C1QL4: variants seen among roughly 807,000 people sequenced by gnomAD.
C1QL4 encodes complement C1q like 4, also known as complement C1q-like protein 4.
C1QL4 carries 5 observed loss-of-function variants against 13.4 expected under a neutral mutation model. The observed-to-expected ratio is 0.37, with a 90% CI of 0.19 to 0.78. The LOEUF (loss-of-function observed/expected upper bound fraction) is 0.78, where lower values mean the gene tolerates loss of function less well. Ranked by LOEUF, C1QL4 falls within the 30% of genes least tolerant of loss-of-function variation. C1QL4 has a pLI of 0.47. For missense variants in C1QL4, 367 were observed against 361.6 expected, an observed-to-expected ratio of 1.01 and a Z score of -0.12; for synonymous variants, 168 against 153.9, an observed-to-expected ratio of 1.09 and a Z score of -0.68.
chr12:49,336,452 A>T lies in C1QL4; in HGVS notation c.26T>A (p.Ile9Asn). 6.5e-7 allele frequency: 1 copy of T among 1,548,876 alleles called. No homozygotes were observed. Among genetic ancestry groups the T allele is most frequent in the East Asian group, 2.5e-5 (1 of 39,330 alleles). The change falls in exon 1 of 2, where the codon ATC becomes AAC. Residue 9 changes from isoleucine to asparagine, a missense_variant. Physicochemically the swap from Ile to Asn is moderately radical, Grantham distance 149. Transcript: ENST00000334221. The surrounding 1 kb of genome is among the most constrained non-coding windows in gnomAD (Gnocchi z 7.7). The part of the protein sequence containing the change: MVLLLLVA[I>N]PLLVHSSRGP... ...GCGGGAGCTGTGCACCAGCAGCGGGATGGCCACCAGCAGCAGCAGCACCAT... is the reference window on the plus strand; with the variant it reads ...GCGGGAGCTGTGCACCAGCAGCGGGTTGGCCACCAGCAGCAGCAGCACCAT...
Position 49,332,797 on chromosome 12 carries a change from T to C in C1QL4, c.*257A>G. On this transcript the variant is annotated 3_prime_UTR_variant, in exon 2 of 2. Transcript: ENST00000334221. ...AAGAGAAAGCCACGACCTCTGCCCC[T>C]ATGGGGTCCAGCGCGCACTTGGGTG... 2 of 504,668 alleles carry C rather than the reference T, an allele frequency of 4.0e-6. No homozygotes were observed. Among genetic ancestry groups the C allele is most frequent in the Non-Finnish European group, 7.0e-6 (2 of 284,274 alleles). The allele number at this position is 504,668 out of a possible 1,614,324, so 31.3% of individuals were successfully genotyped here. A position where few individuals can be genotyped will look rare whatever the true frequency, so the allele number is the denominator to read the frequency against.
chr12:49,336,268 C>T lies in C1QL4; in HGVS notation c.210G>A (p.Gly70=). ...CTCTTGGACCTGGTGGTCCAGGGGG[C>T]CCCCGCAGGCCTGCTTTCCCGCGCC... ...VGRRGKAGLR[G]PPGPPGPRGP... Residue 70 remains glycine (G), a synonymous_variant, in exon 1 of 2, where the codon GGG becomes GGA. Transcript: ENST00000334221. This position sits in a 1 kb window ranked among gnomAD's most constrained non-coding sequence, Gnocchi z 7.7. 1 of 1,426,524 alleles carries T rather than the reference C, an allele frequency of 7.0e-7. No homozygotes were observed. 88.4% of individuals were successfully genotyped at this position (1,426,524 alleles called of 1,614,324 possible). A position where few individuals can be genotyped will look rare whatever the true frequency, so the allele number is the denominator to read the frequency against.
intron 1 of C1QL4, among the ~76,000 whole-genome samples, chr12:49,333,458 T>C (rs1592316209): frequency 6.6e-6 from 1 of 151,796 alleles, no homozygotes; most frequent in Non-Finnish European, 1.5e-5. Context: ...ATTTATAAAG[T>C]GAGGGACAAT....
chr12:49,333,985 G>C (rs1943612050), intron 1 of C1QL4, among the ~76,000 whole-genome samples: 1 of 151,750 alleles, frequency 6.6e-6, no homozygotes, highest in South Asian at 2.1e-4. Flanking sequence ...TCTGAGATCG[G>C]GAGTTCGAGA....
In C1QL4 at chr12:49,332,961, C is replaced by G. The variant is rs564976730; in HGVS notation, c.*93G>C. The G allele has an allele frequency of 9.7e-6, 13 of 1,339,380 alleles. No homozygotes were observed. Among genetic ancestry groups the G allele is most frequent in the Non-Finnish European group, 1.3e-5 (13 of 987,922 alleles). 83.0% of individuals were successfully genotyped at this position (1,339,380 alleles called of 1,614,324 possible). ...GAAGGGTCCACCCCACCGCCAGGCT[C>G]TCAAAGGGTGGGGTGGCGCCTCGGG... On this transcript the variant is annotated 3_prime_UTR_variant, in exon 2 of 2. Transcript: ENST00000334221.
At chr12:49,335,793 G>A (rs1943625939) in intron 1 of C1QL4, 148 bp downstream of exon 1, 13 of 992,930 alleles carry the variant, frequency 1.3e-5, no homozygotes, top group Non-Finnish European at 1.8e-5. Flanking sequence ...TCCTCTGTGG[G>A]TAAATGAAGT....
chr12:49,335,723 C>T (rs1943625554), intron 1 of C1QL4, among the ~76,000 whole-genome samples: 1 of 152,254 alleles, frequency 6.6e-6, no homozygotes, highest in Non-Finnish European at 1.5e-5. Context: ...CTAATTCTAA[C>T]ACCATTCCTA....
chr12:49,335,010 A>T (rs1032262485), intron 1 of C1QL4, among the ~76,000 whole-genome samples: 1 of 152,194 alleles, frequency 6.6e-6, no homozygotes, highest in Non-Finnish European at 1.5e-5. Flanking sequence ...CAGCCTGTGC[A>T]GCTCTGGCAC....
In C1QL4 at chr12:49,336,448, C is replaced by T. The variant is rs776981218; in HGVS notation, c.30G>A (p.Pro10=). 11 of 1,548,586 alleles carry T rather than the reference C, an allele frequency of 7.1e-6. No homozygotes were observed. Among genetic ancestry groups the T allele is most frequent in the East Asian group, 2.5e-5 (1 of 39,358 alleles). The change falls in exon 1 of 2, where the codon CCG becomes CCA. Residue 10 remains proline, a synonymous_variant. Transcript: ENST00000334221. The surrounding 1 kb of genome is among the most constrained non-coding windows in gnomAD (Gnocchi z 7.7). MVLLLLVAI[P]LLVHSSRGPA... is the part of the protein sequence containing the mutation. ...GCCCGCGGGAGCTGTGCACCAGCAG[C>T]GGGATGGCCACCAGCAGCAGCAGCA... is the stretch of plus-strand genomic sequence containing the variant.
At position 49,336,525 on chromosome 12, in the gene C1QL4, G is replaced by T; in HGVS notation, c.-48C>A. 1.4e-6 allele frequency: 2 copies of T among 1,440,118 alleles called. No homozygotes were observed. Among genetic ancestry groups the T allele is most frequent in the Admixed American group, 3.0e-5 (1 of 33,564 alleles). The allele number at this position is 1,440,118 out of a possible 1,614,324, so 89.2% of individuals were successfully genotyped here. Reference sequence around the variant, plus strand: ...GCCACCCTCTTGCGGCGGCTCAGCCGCGACGCTGCCAGGGCCAGCAAATCT... The same window carrying T: ...GCCACCCTCTTGCGGCGGCTCAGCCTCGACGCTGCCAGGGCCAGCAAATCT... On this transcript the variant is annotated 5_prime_UTR_variant, in exon 1 of 2. Transcript: ENST00000334221. The surrounding 1 kb of genome is among the most constrained non-coding windows in gnomAD (Gnocchi z 7.7).
chr12:49,336,500 G>T lies in C1QL4; in HGVS notation c.-23C>A, dbSNP rs761295670. 9 of 1,480,966 alleles carry T rather than the reference G, an allele frequency of 6.1e-6. No individual in the cohort carries two copies. The highest frequency in any genetic ancestry group is 1.3e-5 in the South Asian group (1 of 74,210). 91.7% of individuals were successfully genotyped at this position (1,480,966 alleles called of 1,614,324 possible). A position where few individuals can be genotyped will look rare whatever the true frequency, so the allele number is the denominator to read the frequency against. ...CATGGCCACTCCGACGGCCGCGCCC[G>T]CCACCCTCTTGCGGCGGCTCAGCCG... On this transcript the variant is annotated 5_prime_UTR_variant, in exon 1 of 2. Coordinates refer to ENST00000334221, the MANE Select transcript of C1QL4 (RefSeq NM_001008223.2). The surrounding 1 kb of genome is among the most constrained non-coding windows in gnomAD (Gnocchi z 7.7).
intron 1 of C1QL4, among the ~76,000 whole-genome samples, chr12:49,335,514 C>T (rs1456368073): frequency 6.6e-6 from 1 of 152,232 alleles, no homozygotes; most frequent in Non-Finnish European, 1.5e-5. Flanking sequence ...TTCGAAGGAG[C>T]CTAGACTCCA....
chr12:49,334,328 A>G (rs1474722574), intron 1 of C1QL4, among the ~76,000 whole-genome samples: 2 of 152,180 alleles, frequency 1.3e-5, no homozygotes, highest in African/African-American at 4.8e-5. Context: ...GTGCGTGTGC[A>G]TAGGGTGCGG....
At position 49,332,879 on chromosome 12, in the gene C1QL4, G is replaced by A. The variant is rs755580529; in HGVS notation, c.*175C>T. 10 of 681,068 alleles carry A rather than the reference G, an allele frequency of 1.5e-5. No homozygotes were observed. The highest frequency in any genetic ancestry group is 2.2e-5 in the Non-Finnish European group (9 of 414,678). The allele number at this position is 681,068 out of a possible 1,614,324, so 42.2% of individuals were successfully genotyped here. A position where few individuals can be genotyped will look rare whatever the true frequency, so the allele number is the denominator to read the frequency against. On this transcript the variant is annotated 3_prime_UTR_variant, in exon 2 of 2. Coordinates refer to ENST00000334221, the MANE Select transcript of C1QL4 (RefSeq NM_001008223.2). The stretch of plus-strand genomic sequence containing the variant: ...TCTGGCCGGGTCTCCTCCTCTTCCC[G>A]GCCACTTATACCCTTGAGCACCAAG...
rs927430767 is a variant in C1QL4, at chr12:49,332,624, G to A, written c.*430C>T. The A allele has an allele frequency of 1.8e-5, 3 of 163,590 alleles. No individual in the cohort carries two copies. The highest frequency in any genetic ancestry group is 7.2e-5 in the African/African-American group (3 of 41,652). 10.1% of individuals were successfully genotyped at this position (163,590 alleles called of 1,614,324 possible). ...GGTGGCGAGAGAAAGTTGTGACGGA[G>A]AACCTGCACTACCCTGTTTTAATGT... On this transcript the variant is annotated 3_prime_UTR_variant, in exon 2 of 2. Coordinates refer to ENST00000334221, the MANE Select transcript of C1QL4 (RefSeq NM_001008223.2).
In C1QL4 at chr12:49,335,946, C is replaced by G. The variant is rs570885459; in HGVS notation, c.532G>C (p.Gly178Arg). 36 of 1,600,904 alleles carry G rather than the reference C, an allele frequency of 2.2e-5. No homozygotes were observed. The East Asian group carries it at 7.0e-4, about 31-fold the overall frequency. Reference protein sequence around the residue: ...TSMWADLMKNGQVRASAIAQD... With the variant: ...TSMWADLMKNRQVRASAIAQD... Reference sequence around the variant, plus strand: ...TGGGGAGAGGGGCATCTCACCTGTCCGTTCTTCATGAGGTCGGCCCACATG... The same window carrying G: ...TGGGGAGAGGGGCATCTCACCTGTCGGTTCTTCATGAGGTCGGCCCACATG... Residue 178 changes from glycine to arginine, a missense_variant, in exon 1 of 2, where the codon GGA becomes CGA. Coordinates refer to ENST00000334221, the MANE Select transcript of C1QL4 (RefSeq NM_001008223.2).
chr12:49,332,679 TTC>T lies in C1QL4; in HGVS notation c.*373_*374del, dbSNP rs1943599696. On this transcript the variant is annotated 3_prime_UTR_variant, in exon 2 of 2. Transcript: ENST00000334221. The stretch of plus-strand genomic sequence containing the variant: ...TCTTGCCTAAATGGGCTCCTCCTGT[TTC>T]TGTTATTTCCCTCGCAAGCTGCGGG... 5.3e-6 allele frequency: 1 copy of T among 188,616 alleles called. No individual in the cohort carries two copies. The highest frequency in any genetic ancestry group is 1.3e-4 in the South Asian group (1 of 7,808). 11.7% of individuals were successfully genotyped at this position (188,616 alleles called of 1,614,324 possible).
At position 49,336,128 on chromosome 12, in the gene C1QL4, C is replaced by G; in HGVS notation, c.350G>C (p.Arg117Pro). The change falls in exon 1 of 2, where the codon CGG (arginine) becomes CCG (proline). Residue 117 changes from arginine to proline, a missense_variant. Transcript: ENST00000334221. The surrounding 1 kb of genome is among the most constrained non-coding windows in gnomAD (Gnocchi z 7.7). Reference sequence around the variant, plus strand: ...CACCTCGTAACCCTCGTGGGGCCGCCGCAGGCCCGCGTAGAAAGCAATGCG... The same window carrying G: ...CACCTCGTAACCCTCGTGGGGCCGCGGCAGGCCCGCGTAGAAAGCAATGCG... ...VPRIAFYAGLRRPHEGYEVLR... is the reference protein window; with the variant it reads ...VPRIAFYAGLPRPHEGYEVLR... 2 of 1,611,150 alleles carry G rather than the reference C, an allele frequency of 1.2e-6. No individual in the cohort carries two copies. The highest frequency in any genetic ancestry group is 1.1e-5 in the South Asian group (1 of 90,976).
chr12:49,335,479 G>A (rs760356569), intron 1 of C1QL4, among the ~76,000 whole-genome samples: 1 of 152,228 alleles, frequency 6.6e-6, no homozygotes, highest in Non-Finnish European at 1.5e-5. Context: ...ACTTCCTATT[G>A]CCTGAGACAT....
Sources: allele counts gnomAD v4.1 joint callset (sites outside exome capture counted in the v4.1 genomes callset), GRCh38; gene constraint gnomAD v4.1.1; non-coding constraint Gnocchi (gnomAD v3.1); transcripts MANE v1.5; gene names NCBI Gene and HGNC (gene_info 2026-07-23, HGNC 2026-07-21).